ENAH: variants seen among roughly 807,000 people sequenced by gnomAD.
ENAH encodes ENAH actin regulator, also known as protein enabled homolog.
In ENAH, 23 loss-of-function variants were observed where a neutral mutation model predicts 78.7. The observed-to-expected ratio is 0.29, with a 90% CI of 0.21 to 0.41. ENAH has a LOEUF of 0.41. Among genes scored for constraint, ENAH ranks in the 10% least tolerant of loss-of-function variants. ENAH has a pLI of 1.00. For missense variants in ENAH, 544 were observed against 691.0 expected (o/e 0.79, Z 2.39); for synonymous variants, 226 against 241.0 (o/e 0.94, Z 0.58).
chr1:225,601,397 A>G (rs1452080296), intron 1 of ENAH, among the ~76,000 whole-genome samples: 2 of 152,078 alleles, frequency 1.3e-5, no homozygotes, highest in East Asian at 1.9e-4. Context: ...GGACGCATGT[A>G]GTCCCAGCTA....
In ENAH at chr1:225,563,674, G is replaced by T. The variant is rs147166294; in HGVS notation, c.171+3575C>A. 4.3e-4 allele frequency among the ~76,000 whole-genome samples: 65 copies of T among 152,102 alleles called. No homozygotes were observed. The East Asian group carries it at 9.8e-3, about 23-fold the overall frequency. On this transcript the variant is annotated intron_variant, in intron 2 of 13. Coordinates refer to ENST00000366843, the MANE Select transcript of ENAH (RefSeq NM_018212.6). ...TGTTTTTTACTCATTACTACATTTG[G>T]TCTGCTAATATCTTATTGAGGACTA... is the stretch of plus-strand genomic sequence containing the variant.
chr1:225,505,058 G>A, intron 11 of ENAH: 1 of 1,607,950 alleles, frequency 6.2e-7, no homozygotes, highest in Non-Finnish European at 8.5e-7. Flanking sequence ...TCCCGTCTAT[G>A]AAGGGGAAAA....
intron 3 of ENAH, among the ~76,000 whole-genome samples, chr1:225,551,972 A>G (rs2096642664): frequency 6.6e-6 from 1 of 152,202 alleles, no homozygotes; most frequent in East Asian, 1.9e-4. Context: ...CAAAGCAAAG[A>G]TTTTTGGCAG....
At position 225,497,708 on chromosome 1, in the gene ENAH, G is replaced by T; in HGVS notation, c.*67C>A. ...CATAAATGTAGGGGTTTGCTGTTGT[G>T]AACAGTTGTTGTTTGTAGGATATTT... On this transcript the variant is annotated 3_prime_UTR_variant, in exon 14 of 14. Transcript: ENST00000366843. 6.6e-7 allele frequency: 1 copy of T among 1,510,188 alleles called. No individual in the cohort carries two copies. Among genetic ancestry groups the T allele is most frequent in the African/African-American group, 1.4e-5 (1 of 72,934 alleles). The allele number at this position is 1,510,188 out of a possible 1,614,324, so 93.5% of individuals were successfully genotyped here. A position where few individuals can be genotyped will look rare whatever the true frequency, so the allele number is the denominator to read the frequency against.
At chr1:225,535,420 T>C (rs2096556987) in intron 3 of ENAH, 1 of 793,828 alleles carries the variant, frequency 1.3e-6, no homozygotes. Context: ...CAAACCAGAC[T>C]ATGGCCTAAG....
At chr1:225,587,782 T>C (rs1387839028) in intron 1 of ENAH, among the ~76,000 whole-genome samples, 1 of 152,166 alleles carries the variant, frequency 6.6e-6, no homozygotes, top group Non-Finnish European at 1.5e-5. Context: ...GAGGGTATGG[T>C]AGTGGCCTCA....
At chr1:225,608,668 T>C (rs957504716) in intron 1 of ENAH, among the ~76,000 whole-genome samples, 5 of 151,564 alleles carry the variant, frequency 3.3e-5, no homozygotes, top group African/African-American at 7.3e-5. Context: ...ATACAAAAAT[T>C]GGCCAGGTGT....
intron 3 of ENAH, among the ~76,000 whole-genome samples, chr1:225,531,795 T>C (rs2096538941): frequency 6.6e-6 from 1 of 152,130 alleles, no homozygotes; most frequent in Non-Finnish European, 1.5e-5. Context: ...TTTATTAGGA[T>C]GTAATGCAGT....
At chr1:225,502,490 G>T (rs1263380639) in intron 11 of ENAH, among the ~76,000 whole-genome samples, 1 of 152,142 alleles carries the variant, frequency 6.6e-6, no homozygotes, top group Non-Finnish European at 1.5e-5. Context: ...GTGTAGGTGT[G>T]AGCCACCACG....
chr1:225,554,988 G>A lies in ENAH; in HGVS notation c.267C>T (p.Leu89=), dbSNP rs1410924789. ...TGGCATCCTCTTTGCTGCCAAAGTTGAGACCATACACCTGTCTAGCATCTC... is the reference window on the plus strand; with the variant it reads ...TGGCATCCTCTTTGCTGCCAAAGTTAAGACCATACACCTGTCTAGCATCTC... ...QWRDARQVYG[L]NFGSKEDANV... The change falls in exon 3 of 14, where the codon CTC becomes CTT. Residue 89 remains leucine, a synonymous_variant. Coordinates refer to ENST00000366843, the MANE Select transcript of ENAH (RefSeq NM_018212.6). The A allele has an allele frequency of 6.2e-7, 1 of 1,607,332 alleles. No homozygotes were observed. The highest frequency in any genetic ancestry group is 8.5e-7 in the Non-Finnish European group (1 of 1,174,802).
intron 4 of ENAH, among the ~76,000 whole-genome samples, chr1:225,528,488 A>C (rs1411311516): frequency 6.6e-6 from 1 of 152,194 alleles, no homozygotes; most frequent in Non-Finnish European, 1.5e-5. Context: ...GGCAGCCATA[A>C]GGAATGCTGA....
At chr1:225,603,811 T>C (rs553096787) in intron 1 of ENAH, among the ~76,000 whole-genome samples, 1 of 152,274 alleles carries the variant, frequency 6.6e-6, no homozygotes, top group Non-Finnish European at 1.5e-5. Context: ...AAAACTGAAA[T>C]CACTACAAAG....
intron 1 of ENAH, among the ~76,000 whole-genome samples, chr1:225,629,714 C>A (rs1658654507): frequency 6.6e-6 from 1 of 151,974 alleles, no homozygotes; most frequent in Non-Finnish European, 1.5e-5. Flanking sequence ...AAAACTCATC[C>A]CTATTCATCA....
intron 1 of ENAH, among the ~76,000 whole-genome samples, chr1:225,567,928 G>T (rs2096742749): frequency 6.6e-6 from 1 of 152,146 alleles, no homozygotes. Flanking sequence ...CCTAAAGTCT[G>T]TAACTAAGTC....
At chr1:225,619,114 T>C (rs2148229045) in intron 1 of ENAH, among the ~76,000 whole-genome samples, 1 of 152,070 alleles carries the variant, frequency 6.6e-6, no homozygotes, top group Non-Finnish European at 1.5e-5. Context: ...CACACACAAA[T>C]GCACAGACAC....
intron 1 of ENAH, among the ~76,000 whole-genome samples, chr1:225,650,664 C>G (rs1281080737): frequency 1.3e-5 from 2 of 151,844 alleles, no homozygotes; most frequent in Non-Finnish European, 2.9e-5. Flanking sequence ...TCCTGGCTAA[C>G]ATGGTGAAAC....
At chr1:225,609,383 T>G (rs1056041747) in intron 1 of ENAH, among the ~76,000 whole-genome samples, 2 of 150,074 alleles carry the variant, frequency 1.3e-5, no homozygotes, top group African/African-American at 4.9e-5. Flanking sequence ...ACAGCATGGC[T>G]CCAATGTGAA....
At chr1:225,513,449 T>C (rs1277977735) in intron 7 of ENAH, among the ~76,000 whole-genome samples, 2 of 127,590 alleles carry the variant, frequency 1.6e-5, no homozygotes, top group African/African-American at 5.0e-5. Context: ...AAAGAGACAT[T>C]ATAACTAAAT....
At chr1:225,572,190 C>T (rs1435277665) in intron 1 of ENAH, among the ~76,000 whole-genome samples, 2 of 151,940 alleles carry the variant, frequency 1.3e-5, no homozygotes, top group Admixed American at 6.6e-5. Flanking sequence ...GGTGAAATCT[C>T]GAGAAGAGAC....
Sources: allele counts gnomAD v4.1 joint callset (sites outside exome capture counted in the v4.1 genomes callset), GRCh38; gene constraint gnomAD v4.1.1; transcripts MANE v1.5; gene names NCBI Gene and HGNC (gene_info 2026-07-23, HGNC 2026-07-21).